The following SYNE3 variants were observed in gnomAD, a reference collection of about 807,000 sequenced individuals.
SYNE3 encodes the protein spectrin repeat containing nuclear envelope family member 3, also known as nesprin-3.
SYNE3 carries 100 observed loss-of-function variants against 111.2 expected under a neutral mutation model. That is an observed-to-expected ratio of 0.90 (90% CI 0.77 to 1.06). SYNE3 has a LOEUF of 1.06. Among genes scored for constraint, SYNE3 ranks in the 50% least tolerant of loss-of-function variants. The pLI is 0.00. For missense variants in SYNE3, 1,160 were observed against 1,240.3 expected (o/e 0.94, Z 0.97); for synonymous variants, 547 against 533.9 (o/e 1.02, Z -0.34).
chr14:95,441,693 G>A (rs1330902067), intron 11 of SYNE3, among the ~76,000 whole-genome samples: 1 of 152,246 alleles, frequency 6.6e-6, no homozygotes, highest in Admixed American at 6.5e-5. Context: ...AGTGAGGACA[G>A]TGTGTCCTAT....
chr14:95,427,977 C>T (rs1394642630), intron 17 of SYNE3, among the ~76,000 whole-genome samples: 1 of 152,114 alleles, frequency 6.6e-6, no homozygotes, highest in African/African-American at 2.4e-5. Flanking sequence ...CAATCTAAGA[C>T]GCTGATTATA....
At chr14:95,429,875 G>C (rs1885647672) in intron 17 of SYNE3, 2 of 943,712 alleles carry the variant, frequency 2.1e-6, no homozygotes, top group African/African-American at 3.6e-5. Context: ...TGTGCGCTCT[G>C]GTCCCATCCC....
chr14:95,450,302 T>C, intron 7 of SYNE3, 197 bp from the exon 8 acceptor site: 2 of 657,508 alleles, frequency 3.0e-6, no homozygotes, highest in South Asian at 4.0e-5. Flanking sequence ...AATATCACTA[T>C]GAAAAGGCAT....
intron 4 of SYNE3, among the ~76,000 whole-genome samples, chr14:95,463,863 C>A (rs3783290): frequency 0.68 from 104,029 of 152,244 alleles, 35,698 homozygotes; most frequent in Admixed American, 0.73. Flanking sequence ...CATTGTTGTT[C>A]CTATTTATTC....
In SYNE3 at chr14:95,489,276, C is replaced by T. The variant is rs183852232; in HGVS notation, c.-14-13441G>A. On this transcript the variant is annotated intron_variant, in intron 1 of 17. Coordinates refer to ENST00000682763, the MANE Select transcript of SYNE3 (RefSeq NM_152592.6). ...GCAGCACATCCATGGGGCCTCTCTC[C>T]CATCTCCTACAGGTCCCAGACAGAT... Among the ~76,000 whole-genome samples, 816 of 152,346 alleles carry T rather than the reference C, an allele frequency of 5.4e-3. 4 individuals carry two copies. The highest frequency in any genetic ancestry group is 7.5e-3 in the Non-Finnish European group (507 of 68,028).
chr14:95,475,879 G>A (rs959044894), intron 1 of SYNE3, 44 bp from the exon 2 acceptor site: 2 of 1,395,802 alleles, frequency 1.4e-6, no homozygotes, highest in Admixed American at 6.1e-5. Flanking sequence ...AGGAATGTAG[G>A]GGGCTGCAAA....
chr14:95,468,150 G>A (rs1368678671), intron 2 of SYNE3, among the ~76,000 whole-genome samples, 183 bp from the exon 3 acceptor site: 2 of 152,232 alleles, frequency 1.3e-5, no homozygotes, highest in Non-Finnish European at 2.9e-5. Flanking sequence ...TCTGAGGGTA[G>A]GAGGCGGGAG....
chr14:95,493,256 G>A (rs1889932442), intron 1 of SYNE3, among the ~76,000 whole-genome samples: 1 of 152,172 alleles, frequency 6.6e-6, no homozygotes, highest in South Asian at 2.1e-4. Context: ...GCAGGTATTA[G>A]GTGCTAGTCA....
chr14:95,477,496 T>G (rs11628959), intron 1 of SYNE3, among the ~76,000 whole-genome samples: 2 of 152,094 alleles, frequency 1.3e-5, no homozygotes, highest in Non-Finnish European at 2.9e-5. Flanking sequence ...AAAATAAAAA[T>G]TGTCTTCACT....
chr14:95,447,223 T>C (rs1886774196), intron 8 of SYNE3, among the ~76,000 whole-genome samples: 1 of 149,198 alleles, frequency 6.7e-6, no homozygotes, highest in Non-Finnish European at 1.5e-5. Context: ...AAGCTTCACC[T>C]CCTGGGTTCA....
intron 11 of SYNE3, 69 bp downstream of exon 11, chr14:95,443,086 G>T (rs1886494948): frequency 1.3e-6 from 2 of 1,580,586 alleles, no homozygotes; most frequent in African/African-American, 2.7e-5. Flanking sequence ...GGGAAGAAAG[G>T]CCCCAGGCGT....
chr14:95,447,506 C>G (rs148245375), intron 8 of SYNE3, among the ~76,000 whole-genome samples: 1 of 152,256 alleles, frequency 6.6e-6, no homozygotes, highest in Non-Finnish European at 1.5e-5. Context: ...GTGGACACTC[C>G]TGGTTGGGGA....
chr14:95,440,364 T>G (rs754244139), intron 11 of SYNE3, among the ~76,000 whole-genome samples: 1 of 152,238 alleles, frequency 6.6e-6, no homozygotes, highest in Admixed American at 6.5e-5. Context: ...AAGTGTAAAT[T>G]GGCTCAACCA....
intron 1 of SYNE3, among the ~76,000 whole-genome samples, chr14:95,508,078 T>C (rs1890592735): frequency 6.6e-6 from 1 of 152,172 alleles, no homozygotes; most frequent in South Asian, 2.1e-4. Context: ...ACTCCTGGCA[T>C]GGAAAGGCCA....
chr14:95,423,569 G>A (rs1885260019), intron 17 of SYNE3, among the ~76,000 whole-genome samples: 1 of 20,950 alleles, frequency 4.8e-5, no homozygotes, highest in African/African-American at 2.2e-4. Flanking sequence ...ATTTGATGGG[G>A]ATGAGGATTT....
At chr14:95,424,185 C>T (rs1312288759) in intron 17 of SYNE3, among the ~76,000 whole-genome samples, 2 of 152,080 alleles carry the variant, frequency 1.3e-5, no homozygotes, top group East Asian at 3.9e-4. Context: ...GGGAGAGTCA[C>T]CTATGAGACG....
chr14:95,411,098 C>G lies in SYNE3; in HGVS notation c.*6728G>C, dbSNP rs1903422487. 1.3e-5 allele frequency: 2 copies of G among 152,114 alleles called. No individual in the cohort carries two copies. The highest frequency in any genetic ancestry group is 4.8e-5 in the African/African-American group (2 of 41,406). 9.4% of individuals were successfully genotyped at this position (152,114 alleles called of 1,614,324 possible). On this transcript the variant is annotated 3_prime_UTR_variant, in exon 18 of 18. Transcript: ENST00000682763. ...CTGTAAAATGGGTACAAAGTTGGAA[C>G]AAGACAGTCTATGGAAGCCCTCCAA...
chr14:95,420,382 A>G (rs908952542), intron 17 of SYNE3, among the ~76,000 whole-genome samples: 1 of 152,208 alleles, frequency 6.6e-6, no homozygotes, highest in Non-Finnish European at 1.5e-5. Flanking sequence ...TTCCACTGCA[A>G]CTAACAACCT....
At chr14:95,433,456 C>A in intron 15 of SYNE3, 47 bp from the exon 16 acceptor site, 1 of 1,606,618 alleles carries the variant, frequency 6.2e-7, no homozygotes, top group Middle Eastern at 1.7e-4. Context: ...ATGGCCCAGA[C>A]AGCCCCACCT....
Sources: gnomAD v4.1 joint callset for allele counts (sites outside exome capture counted in the v4.1 genomes callset) on GRCh38, gnomAD v4.1.1 for gene constraint, MANE v1.5 for transcripts, NCBI Gene and HGNC (gene_info 2026-07-23, HGNC 2026-07-21) for gene names.